The following DOCK1 variants were observed in gnomAD, a reference collection of about 807,000 sequenced individuals.
The protein encoded by DOCK1 is dedicator of cytokinesis protein 1.
DOCK1 carries 138 observed loss-of-function variants against 262.7 expected under a neutral mutation model. The observed-to-expected ratio is 0.53, with a 90% confidence interval of 0.46 to 0.61. The LOEUF is 0.61. DOCK1 is among the 20% of genes least tolerant of loss of function. DOCK1 has a pLI of 0.00. For missense variants in DOCK1, 1,908 were observed against 2,370.7 expected, an observed-to-expected ratio of 0.80 and a Z score of 4.05; for synonymous variants, 866 against 867.4, an observed-to-expected ratio of 1.00 and a Z score of 0.03.
chr10:127,384,688 C>T, intron 37 of DOCK1, 102 bp from the exon 38 acceptor site: 2 of 1,350,644 alleles, frequency 1.5e-6, no homozygotes, highest in Non-Finnish European at 9.6e-7. Flanking sequence ...CACATGTCTC[C>T]AGAACCGCGG....
At chr10:127,408,041 G>A (rs193007868) in intron 40 of DOCK1, among the ~76,000 whole-genome samples, 77 of 152,210 alleles carry the variant, frequency 5.1e-4, no homozygotes, top group Non-Finnish European at 1.8e-4. Flanking sequence ...GAACACACGT[G>A]TTGAAATCGG....
rs1012610047 is a variant in DOCK1, at chr10:127,247,956, C to G, written c.2848-52C>G. 91 of 1,571,604 alleles carry G rather than the reference C, an allele frequency of 5.8e-5. 1 individual carries two copies. The Admixed American group carries it at 7.1e-4, about 12-fold the overall frequency. On this transcript the variant is annotated intron_variant, in intron 27 of 51. Coordinates refer to ENST00000623213, the MANE Select transcript of DOCK1 (RefSeq NM_001290223.2). ...AGAATCTGGGATGATTTCGGCTTTTCCCATGAGTGTTGCTCTGTCTCATCT... is the reference window on the plus strand; with the variant it reads ...AGAATCTGGGATGATTTCGGCTTTTGCCATGAGTGTTGCTCTGTCTCATCT...
intron 27 of DOCK1, among the ~76,000 whole-genome samples, chr10:127,194,349 A>G (rs1340131516): frequency 6.6e-6 from 1 of 152,240 alleles, no homozygotes; most frequent in African/African-American, 2.4e-5. Context: ...TGAGGCATGC[A>G]GATGGCAGGA....
At chr10:126,926,537 G>A (rs1318076894) in intron 1 of DOCK1, among the ~76,000 whole-genome samples, 1 of 152,194 alleles carries the variant, frequency 6.6e-6, no homozygotes, top group Non-Finnish European at 1.5e-5. Context: ...TATGGGTTGA[G>A]TCCCCTGAAA....
At chr10:126,916,887 C>T (rs1371797190) in intron 1 of DOCK1, among the ~76,000 whole-genome samples, 1 of 151,556 alleles carries the variant, frequency 6.6e-6, no homozygotes, top group African/African-American at 2.4e-5. Flanking sequence ...TCCAGTTTGT[C>T]ACAGTGCAGA....
intron 1 of DOCK1, among the ~76,000 whole-genome samples, chr10:126,948,808 A>G (rs983330973): frequency 7.3e-4 from 111 of 152,004 alleles, no homozygotes; most frequent in African/African-American, 2.4e-3. Flanking sequence ...TGGATTTTCC[A>G]TCCTCTCCCT....
At chr10:127,074,534 T>A (rs2046404916) in intron 23 of DOCK1, among the ~76,000 whole-genome samples, 1 of 152,206 alleles carries the variant, frequency 6.6e-6, no homozygotes, top group Non-Finnish European at 1.5e-5. Flanking sequence ...GAATTATTTT[T>A]CCCTTGGGAA....
At chr10:127,356,885 A>G (rs2064173795) in intron 32 of DOCK1, among the ~76,000 whole-genome samples, 1 of 152,202 alleles carries the variant, frequency 6.6e-6, no homozygotes, top group South Asian at 2.1e-4. Context: ...ACTCTAAAGT[A>G]TAGACAGGGA....
chr10:127,053,364 A>T (rs961395506), intron 22 of DOCK1, among the ~76,000 whole-genome samples: 1 of 151,750 alleles, frequency 6.6e-6, no homozygotes, highest in African/African-American at 2.4e-5. Context: ...AATAAATAAA[A>T]CAACAATGAA....
rs1026681500 is a variant in DOCK1, at chr10:127,023,721, A to G, written c.1452+397A>G. 5.3e-5 allele frequency among the ~76,000 whole-genome samples: 8 copies of G among 152,042 alleles called. 1 individual carries two copies. The South Asian group carries it at 1.0e-3, about 20-fold the overall frequency. The stretch of plus-strand genomic sequence containing the variant: ...CCAAGGTGCTGGGATTACAGGCGTG[A>G]GCCACAGTGCCCGAGCAGGTCCCTG... On this transcript the variant is annotated intron_variant, in intron 14 of 51. Coordinates refer to ENST00000623213, the MANE Select transcript of DOCK1 (RefSeq NM_001290223.2).
chr10:127,110,226 T>G (rs1564809879), intron 24 of DOCK1, 22 bp from the exon 25 acceptor site: 1 of 1,590,816 alleles, frequency 6.3e-7, no homozygotes, highest in Non-Finnish European at 8.6e-7. Flanking sequence ...CAAAATTATT[T>G]CCCTTGTGTT....
chr10:127,448,812 T>TG (rs2070765541), intron 51 of DOCK1, among the ~76,000 whole-genome samples: 1 of 151,540 alleles, frequency 6.6e-6, no homozygotes, highest in Admixed American at 6.6e-5. Context: ...GTTTTTTTTT[T>TG]TATTTTTCTT....
chr10:127,384,883 A>G lies in DOCK1; in HGVS notation c.3901A>G (p.Ile1301Val). Residue 1301 changes from isoleucine to valine, a missense_variant, in exon 38 of 52, where the codon ATC (isoleucine) becomes GTC (valine). Physicochemically the swap from Ile to Val is conservative, Grantham distance 29. Around this residue, in one of 9 missense-constraint regions of DOCK1, gnomAD observed 267 missense variants for 366.3 expected, o/e 0.73. Transcript: ENST00000623213. ...GCTGAAGGAGCAGCTCTACCAGGAAATCATCCACTACTTCGACAAAGGCAA... is the reference window on the plus strand; with the variant it reads ...GCTGAAGGAGCAGCTCTACCAGGAAGTCATCCACTACTTCGACAAAGGCAA... The part of the protein sequence containing the change: ...GQLKEQLYQE[I>V]IHYFDKGKMW... 6.2e-7 allele frequency: 1 copy of G among 1,604,180 alleles called. No homozygotes were observed. The highest frequency in any genetic ancestry group is 8.5e-7 in the Non-Finnish European group (1 of 1,177,106).
At chr10:127,080,740 G>C (rs550430756) in intron 23 of DOCK1, among the ~76,000 whole-genome samples, 1 of 152,190 alleles carries the variant, frequency 6.6e-6, no homozygotes, top group African/African-American at 2.4e-5. Flanking sequence ...TTATAAATCA[G>C]CTTTATTTAT....
intron 29 of DOCK1, among the ~76,000 whole-genome samples, chr10:127,336,408 G>A (rs1045962971): frequency 4.6e-5 from 7 of 151,630 alleles, no homozygotes; most frequent in South Asian, 4.2e-4. Flanking sequence ...TTTTTGTCCC[G>A]GCATTTAAAA....
At chr10:127,253,279 G>A (rs1391637206) in intron 28 of DOCK1, among the ~76,000 whole-genome samples, 5 of 152,186 alleles carry the variant, frequency 3.3e-5, no homozygotes, top group Admixed American at 3.3e-4. Flanking sequence ...AGCGGAGAAT[G>A]TTGTCTTGCC....
At chr10:127,258,534 C>T (rs983060827) in intron 29 of DOCK1, among the ~76,000 whole-genome samples, 1 of 152,208 alleles carries the variant, frequency 6.6e-6, no homozygotes, top group Non-Finnish European at 1.5e-5. Flanking sequence ...GTGTGATGAA[C>T]CATTTTCCTG....
intron 29 of DOCK1, among the ~76,000 whole-genome samples, chr10:127,335,620 T>C (rs1213804262): frequency 6.6e-6 from 1 of 151,918 alleles, no homozygotes; most frequent in Non-Finnish European, 1.5e-5. Flanking sequence ...CAGTCTCGGC[T>C]CACTGCAACC....
At chr10:127,154,421 T>A (rs1057230792) in intron 27 of DOCK1, among the ~76,000 whole-genome samples, 8 of 152,292 alleles carry the variant, frequency 5.3e-5, no homozygotes, top group Middle Eastern at 6.8e-3. Context: ...TGAAAAAAAA[T>A]TGAAAGCATA....
Sources: allele counts gnomAD v4.1 joint callset (sites outside exome capture counted in the v4.1 genomes callset), GRCh38; gene constraint gnomAD v4.1.1; regional missense constraint gnomAD v4.1.1; transcripts MANE v1.5; gene names NCBI Gene and HGNC (gene_info 2026-07-23, HGNC 2026-07-21).